The following LINGO2 variants were observed in gnomAD, a reference collection of about 807,000 sequenced individuals.
LINGO2 encodes the protein leucine rich repeat and Ig domain containing 2, also known as leucine-rich repeat and immunoglobulin-like domain-containing nogo receptor-interacting protein 2.
Under a neutral mutation model 30.6 loss-of-function variants are expected in LINGO2, and 14 were observed. The observed-to-expected ratio is 0.46, with a 90% CI of 0.30 to 0.72. LINGO2 has a LOEUF of 0.72. Among genes scored for constraint, LINGO2 ranks in the 30% least tolerant of loss-of-function variants. The pLI is 0.07. For synonymous variants in LINGO2, 317 were observed against 288.5 expected (o/e 1.10, Z -1.00); for missense variants, 729 against 751.7 (o/e 0.97, Z 0.35).
At chr9:28,554,590 C>T (rs1218837597) in intron 1 of LINGO2, among the ~76,000 whole-genome samples, 86 of 139,216 alleles carry the variant, frequency 6.2e-4, no homozygotes, top group African/African-American at 2.2e-3. Context: ...GACAGATCAA[C>T]GAGACAGAAA....
intron 5 of LINGO2, among the ~76,000 whole-genome samples, chr9:28,001,796 C>G (rs1821969938): frequency 6.6e-6 from 1 of 152,026 alleles, no homozygotes; most frequent in Non-Finnish European, 1.5e-5. Flanking sequence ...GGCTTACAAT[C>G]TAGTCAGGAA....
the LINGO2 span, among the ~76,000 whole-genome samples, chr9:29,016,188 T>A: frequency 1.3e-5 from 2 of 152,214 alleles, no homozygotes; most frequent in African/African-American, 4.8e-5. Flanking sequence ...ATAAAGTACC[T>A]TCTTTTCAGT....
chr9:28,761,265 C>T, the LINGO2 span, among the ~76,000 whole-genome samples: 1 of 151,834 alleles, frequency 6.6e-6, no homozygotes, highest in African/African-American at 2.4e-5. Context: ...TTAGATCTTT[C>T]TCAAGCAAAA....
intron 1 of LINGO2, among the ~76,000 whole-genome samples, chr9:28,505,888 A>C (rs1299301585): frequency 2.0e-5 from 3 of 151,790 alleles, no homozygotes; most frequent in Non-Finnish European, 4.4e-5. Flanking sequence ...CCAAATACTG[A>C]TGACTTCAAC....
At chr9:28,641,074 C>T (rs564313700) in intron 1 of LINGO2, among the ~76,000 whole-genome samples, 4 of 152,178 alleles carry the variant, frequency 2.6e-5, no homozygotes, top group African/African-American at 9.6e-5. Context: ...CACTCTGTCG[C>T]CCAGGCTGGA....
chr9:28,777,031 C>G, the LINGO2 span, among the ~76,000 whole-genome samples: 1 of 152,092 alleles, frequency 6.6e-6, no homozygotes, highest in South Asian at 2.1e-4. Flanking sequence ...GGCACGTCCC[C>G]CTTTGCTCCC....
chr9:28,674,601 T>C (rs1829147425), upstream of LINGO2, among the ~76,000 whole-genome samples: 1 of 152,076 alleles, frequency 6.6e-6, no homozygotes, highest in Non-Finnish European at 1.5e-5. Context: ...TATTTCAAGG[T>C]GGGGAAAAAG....
chr9:28,948,538 T>TATGCAC, the LINGO2 span, among the ~76,000 whole-genome samples: 1 of 152,084 alleles, frequency 6.6e-6, no homozygotes, highest in South Asian at 2.1e-4. Flanking sequence ...CAGATACATA[T>TATGCAC]ATGCACATGC....
intron 1 of LINGO2, among the ~76,000 whole-genome samples, chr9:28,527,348 T>G (rs1480792582): frequency 6.6e-6 from 1 of 152,190 alleles, no homozygotes; most frequent in Non-Finnish European, 1.5e-5. Context: ...TAAAAACGTA[T>G]TCATTATCCA....
At chr9:28,696,747 G>A in the LINGO2 span, among the ~76,000 whole-genome samples, 1 of 151,838 alleles carries the variant, frequency 6.6e-6, no homozygotes, top group Non-Finnish European at 1.5e-5. Flanking sequence ...ATTCAAACAT[G>A]TTACATGGGT....
the LINGO2 span, among the ~76,000 whole-genome samples, chr9:28,920,508 G>A: frequency 8.6e-5 from 13 of 152,020 alleles, no homozygotes; most frequent in Admixed American, 1.3e-4. Context: ...TACAAATGTG[G>A]CTAGAAACTA....
intron 1 of LINGO2, among the ~76,000 whole-genome samples, chr9:28,519,904 C>T (rs1056067728): frequency 7.9e-5 from 12 of 152,014 alleles, no homozygotes; most frequent in South Asian, 4.1e-4. Context: ...TATGGTTTTA[C>T]GTTTTGTCCA....
the LINGO2 span, among the ~76,000 whole-genome samples, chr9:28,693,039 T>A: frequency 3.3e-5 from 5 of 152,122 alleles, no homozygotes; most frequent in South Asian, 2.1e-4. Flanking sequence ...GTCATTTTTT[T>A]AAATGAGCAT....
At chr9:28,607,553 T>C (rs944669390) in intron 1 of LINGO2, among the ~76,000 whole-genome samples, 3 of 152,064 alleles carry the variant, frequency 2.0e-5, no homozygotes, top group Non-Finnish European at 2.9e-5. Context: ...ACTTTCACTC[T>C]GTTTCTACAT....
the LINGO2 span, among the ~76,000 whole-genome samples, chr9:29,178,335 C>T: frequency 6.6e-6 from 1 of 152,084 alleles, no homozygotes; most frequent in Non-Finnish European, 1.5e-5. Flanking sequence ...GGATTATAGG[C>T]CCATTTTTTT....
At chr9:28,932,038 C>A in the LINGO2 span, among the ~76,000 whole-genome samples, 3 of 150,950 alleles carry the variant, frequency 2.0e-5, no homozygotes, top group African/African-American at 4.9e-5. Context: ...AACCGGGAGG[C>A]GAAGGTTGCA....
At chr9:28,737,321 A>C in the LINGO2 span, among the ~76,000 whole-genome samples, 1 of 152,186 alleles carries the variant, frequency 6.6e-6, no homozygotes, top group Middle Eastern at 3.2e-3. Context: ...GAAACCATCA[A>C]TGAACCCAGA....
At chr9:28,019,644 A>G in intron 4 of LINGO2, among the ~76,000 whole-genome samples, 1 of 152,108 alleles carries the variant, frequency 6.6e-6, no homozygotes, top group South Asian at 2.1e-4. Context: ...GTCATGGCCT[A>G]TTCCTAATTT....
intron 4 of LINGO2, among the ~76,000 whole-genome samples, chr9:28,206,922 G>A (rs1364718793): frequency 3.3e-5 from 5 of 151,952 alleles, no homozygotes; most frequent in Admixed American, 3.3e-4. Flanking sequence ...CACTTAAGAT[G>A]GAACTATTTG....
Sources: allele counts gnomAD v4.1 joint callset (sites outside exome capture counted in the v4.1 genomes callset), GRCh38; gene constraint gnomAD v4.1.1; transcripts MANE v1.5; gene names NCBI Gene and HGNC (gene_info 2026-07-23, HGNC 2026-07-21).